The following CMIP variants were observed in gnomAD, a reference collection of about 807,000 sequenced individuals.
CMIP encodes the protein c-Maf inducing protein, also known as C-Maf-inducing protein.
A neutral mutation model predicts 97.3 loss-of-function variants in CMIP; 13 were observed. The observed-to-expected ratio is 0.13, with a 90% CI of 0.09 to 0.21. The LOEUF is 0.21. Among genes scored for constraint, CMIP ranks in the 10% least tolerant of loss-of-function variants. The pLI is 1.00. For synonymous variants in CMIP, 538 were observed against 436.3 expected (o/e 1.23, Z -2.91); for missense variants, 847 against 1,024.9 (o/e 0.83, Z 2.37).
chr16:81,653,876 G>A (rs922026548), intron 4 of CMIP, among the ~76,000 whole-genome samples: 2 of 152,214 alleles, frequency 1.3e-5, no homozygotes, highest in East Asian at 3.8e-4. Context: ...GCCTCCCAAA[G>A]TGAGACAGCC....
intron 1 of CMIP, among the ~76,000 whole-genome samples, chr16:81,523,835 T>C (rs1302289687): frequency 6.6e-6 from 1 of 152,220 alleles, no homozygotes; most frequent in East Asian, 1.9e-4. Flanking sequence ...TTCCTTTAGC[T>C]AGGAGCCTGG....
Position 81,635,470 on chromosome 16 carries a change from T to C in CMIP, c.477+14544T>C, listed in dbSNP as rs941330283. On this transcript the variant is annotated intron_variant, in intron 3 of 20. Transcript: ENST00000537098. ...CACAGACTGGGAAAATCGATACGAA[T>C]TGATCTGGAGTGACACCCACCAGGT... is the stretch of plus-strand genomic sequence containing the variant. Among the ~76,000 whole-genome samples the C allele has an allele frequency of 1.1e-4, 16 of 152,254 alleles. 1 individual carries two copies. Among genetic ancestry groups the C allele is most frequent in the African/African-American group, 3.1e-4 (13 of 41,530 alleles).
At chr16:81,690,699 C>T (rs111880497) in intron 10 of CMIP, among the ~76,000 whole-genome samples, 34,120 of 152,138 alleles carry the variant, frequency 0.22, 3,999 homozygotes, top group Non-Finnish European at 0.26. Flanking sequence ...CTGAGGCAGG[C>T]AGATCACCTG....
chr16:81,527,621 G>A (rs528319493), intron 1 of CMIP, among the ~76,000 whole-genome samples: 1 of 152,264 alleles, frequency 6.6e-6, no homozygotes, highest in East Asian at 1.9e-4. Flanking sequence ...CCTCCCCCGC[G>A]ATAACTCTCC....
intron 10 of CMIP, among the ~76,000 whole-genome samples, chr16:81,681,815 T>C (rs1368528261): frequency 6.6e-6 from 1 of 152,190 alleles, no homozygotes; most frequent in Non-Finnish European, 1.5e-5. Context: ...CTCAGTTTTC[T>C]TGTCTGTAAA....
At chr16:81,489,810 G>C (rs557392682) in intron 1 of CMIP, among the ~76,000 whole-genome samples, 1 of 152,236 alleles carries the variant, frequency 6.6e-6, no homozygotes, top group Non-Finnish European at 1.5e-5. Flanking sequence ...GCCAACTCTG[G>C]CAGGAGGAGG....
At chr16:81,601,073 C>G (rs72829089) in intron 1 of CMIP, among the ~76,000 whole-genome samples, 11,434 of 152,234 alleles carry the variant, frequency 0.075, 568 homozygotes, top group East Asian at 0.29. Flanking sequence ...GGACTTGACT[C>G]CAGCCCAGCA....
intron 1 of CMIP, among the ~76,000 whole-genome samples, chr16:81,559,742 T>G (rs1267190305): frequency 6.6e-6 from 1 of 152,230 alleles, no homozygotes; most frequent in Non-Finnish European, 1.5e-5. Flanking sequence ...TACTGGCTTG[T>G]GCATTCGCTC....
intron 1 of CMIP, among the ~76,000 whole-genome samples, chr16:81,603,204 C>A (rs530963711): frequency 6.6e-6 from 1 of 152,150 alleles, no homozygotes. Context: ...CTCAGCCTCT[C>A]GAGTAGCTGG....
chr16:81,685,626 C>G lies in CMIP; in HGVS notation c.1389-6149C>G, dbSNP rs1310547348. ...GTGCCGCAGTTACAGGTCACTGCAG[C>G]CTCGAACTGCCAGGCTCAAAGAATC... On this transcript the variant is annotated intron_variant, in intron 10 of 20. Transcript: ENST00000537098. 5.9e-5 allele frequency among the ~76,000 whole-genome samples: 9 copies of G among 152,020 alleles called. No homozygotes were observed. The South Asian group carries it at 1.9e-3, about 32-fold the overall frequency.
Position 81,445,175 on chromosome 16 carries a change from C to A in CMIP, c.-67C>A. On this transcript the variant is annotated 5_prime_UTR_variant, in exon 1 of 21. Transcript: ENST00000537098. ...GGGTGCGGGCCGCCGGATCCGGGGGCCCCGCCGCCCCAGCAGCCCAGGACA... is the reference window on the plus strand; with the variant it reads ...GGGTGCGGGCCGCCGGATCCGGGGGACCCGCCGCCCCAGCAGCCCAGGACA... 1 of 1,070,672 alleles carries A rather than the reference C, an allele frequency of 9.3e-7. No homozygotes were observed. 66.3% of individuals were successfully genotyped at this position (1,070,672 alleles called of 1,614,324 possible). A position where few individuals can be genotyped will look rare whatever the true frequency, so the allele number is the denominator to read the frequency against.
intron 1 of CMIP, among the ~76,000 whole-genome samples, chr16:81,470,603 A>G (rs1907465070): frequency 6.6e-6 from 1 of 152,224 alleles, no homozygotes; most frequent in Admixed American, 6.5e-5. Context: ...GGCTGGAGCC[A>G]TAGGAAATTG....
chr16:81,462,883 G>A (rs1906977217), intron 1 of CMIP, among the ~76,000 whole-genome samples: 1 of 152,152 alleles, frequency 6.6e-6, no homozygotes, highest in African/African-American at 2.4e-5. Context: ...TCCCTGACCT[G>A]TAAAGCAGAG....
intron 3 of CMIP, among the ~76,000 whole-genome samples, chr16:81,636,645 A>G (rs1340136353): frequency 1.3e-5 from 2 of 151,988 alleles, no homozygotes; most frequent in Non-Finnish European, 2.9e-5. Flanking sequence ...GAAAGATACA[A>G]TATCACCGTC....
At chr16:81,702,690 T>C (rs779752900) in intron 17 of CMIP, 21 bp downstream of exon 17, 54 of 1,610,130 alleles carry the variant, frequency 3.4e-5, no homozygotes, top group Admixed American at 1.3e-4. Context: ...TTGGTTCTCT[T>C]TGGGGCTGGA....
At chr16:81,605,245 G>A (rs981261309) in intron 1 of CMIP, among the ~76,000 whole-genome samples, 2 of 152,210 alleles carry the variant, frequency 1.3e-5, no homozygotes, top group Non-Finnish European at 1.5e-5. Context: ...TTTGAGGCAC[G>A]CTGCATAAAG....
chr16:81,471,410 A>G (rs1907538127), intron 1 of CMIP, among the ~76,000 whole-genome samples: 1 of 139,408 alleles, frequency 7.2e-6, no homozygotes, highest in Admixed American at 7.9e-5. Flanking sequence ...ACAAATGCAT[A>G]CACACATACA....
Position 81,459,500 on chromosome 16 carries a change from G to A in CMIP, c.300+13959G>A, listed in dbSNP as rs142616658. 1.7e-3 allele frequency among the ~76,000 whole-genome samples: 262 copies of A among 152,334 alleles called. 3 individuals carry two copies. The East Asian group carries it at 0.041, about 24-fold the overall frequency. The stretch of plus-strand genomic sequence containing the variant: ...AACCCAAGCAAGATGGAAACCCGCC[G>A]TTGGGAGGATTAAGATATTATTGGT... On this transcript the variant is annotated intron_variant, in intron 1 of 20. Transcript: ENST00000537098.
chr16:81,569,617 T>G (rs1288461730), intron 1 of CMIP, among the ~76,000 whole-genome samples: 1 of 152,192 alleles, frequency 6.6e-6, no homozygotes, highest in Admixed American at 6.5e-5. Context: ...GCCGGGGAAG[T>G]CCCGATTTGC....
Sources: allele counts gnomAD v4.1 joint callset (sites outside exome capture counted in the v4.1 genomes callset), GRCh38; gene constraint gnomAD v4.1.1; transcripts MANE v1.5; gene names NCBI Gene and HGNC (gene_info 2026-07-23, HGNC 2026-07-21).